MGRN1: variants seen among roughly 807,000 people sequenced by gnomAD.
MGRN1 encodes the protein E3 ubiquitin-protein ligase MGRN1.
In MGRN1, 29 loss-of-function variants were observed where a neutral mutation model predicts 69.2. The ratio of observed to expected loss-of-function variants is 0.42; its 90% confidence interval spans 0.31 to 0.57. The LOEUF (loss-of-function observed/expected upper bound fraction) is 0.57. MGRN1 is among the 20% of genes least tolerant of loss of function. The pLI is 0.15. For synonymous variants in MGRN1, 470 were observed against 344.2 expected, an observed-to-expected ratio of 1.37 and a Z score of -4.04; for missense variants, 998 against 796.2, an observed-to-expected ratio of 1.25 and a Z score of -3.05.
rs1014196420 is a variant in MGRN1 at position 4,680,456 on chromosome 16, C to T, written c.1131+359C>T. On this transcript the variant is annotated intron_variant, in intron 12 of 16. Coordinates refer to ENST00000262370, the MANE Select transcript of MGRN1 (RefSeq NM_015246.4). ...CGCGCCCCGCGCATGCTTCTTGGCC[C>T]CGTGTCCCGCTCCTTTACCCTGCGG... 2.3e-5 allele frequency: 6 copies of T among 259,498 alleles called. No individual in the cohort carries two copies. In the Admixed American group the frequency reaches 3.3e-4, roughly 14 times the overall value. 16.1% of individuals were successfully genotyped at this position (259,498 alleles called of 1,614,324 possible). A position where few individuals can be genotyped will look rare whatever the true frequency, so the allele number is the denominator to read the frequency against.
intron 1 of MGRN1, chr16:4,649,468 G>A (rs1357679888): frequency 6.6e-6 from 1 of 152,204 alleles, no homozygotes; most frequent in African/African-American, 2.4e-5. Flanking sequence ...TGGGGCCCCA[G>A]GCACTCATTG....
chr16:4,670,127 C>A (rs142633022), intron 8 of MGRN1, among the ~76,000 whole-genome samples: 2 of 152,014 alleles, frequency 1.3e-5, no homozygotes, highest in Admixed American at 6.6e-5. Flanking sequence ...TGCAGTGGCG[C>A]GATCTCAGCT....
At chr16:4,644,215 C>A (rs1488613360) in intron 1 of MGRN1, among the ~76,000 whole-genome samples, 1 of 151,654 alleles carries the variant, frequency 6.6e-6, no homozygotes, top group Non-Finnish European at 1.5e-5. Context: ...TGGTCTAGAA[C>A]TCCTTACCTC....
intron 5 of MGRN1, among the ~76,000 whole-genome samples, chr16:4,660,628 G>A (rs1387097483): frequency 2.0e-5 from 3 of 152,218 alleles, no homozygotes; most frequent in Admixed American, 2.0e-4. Flanking sequence ...ATGCGCTCCA[G>A]AAAGCTCTGC....
intron 15 of MGRN1, 57 bp from the exon 16 acceptor site, chr16:4,683,786 G>T: frequency 6.6e-7 from 1 of 1,508,824 alleles, no homozygotes; most frequent in South Asian, 1.2e-5. Flanking sequence ...TGCCCAGAGG[G>T]ACCTGCCGGG....
Position 4,651,984 on chromosome 16 carries a change from C to T in MGRN1, c.229C>T (p.Pro77Ser). Residue 77 changes from proline (P) to serine (S), a missense_variant, in exon 3 of 17, where the codon CCC becomes TCC. Coordinates refer to ENST00000262370, the MANE Select transcript of MGRN1 (RefSeq NM_015246.4). Reference protein sequence around the residue: ...PVQFPYVTPAPHEPVKTLRSL... With the variant: ...PVQFPYVTPASHEPVKTLRSL... ...CTAGTTTCCCTACGTCACTCCTGCC[C>T]CCCACGAGCCCGTGAAGACGCTGCG... 4 of 1,614,048 alleles carry T rather than the reference C, an allele frequency of 2.5e-6. No individual in the cohort carries two copies. The highest frequency in any genetic ancestry group is 3.4e-6 in the Non-Finnish European group (4 of 1,179,968).
chr16:4,641,184 A>C (rs948415072), intron 1 of MGRN1, among the ~76,000 whole-genome samples: 1 of 152,168 alleles, frequency 6.6e-6, no homozygotes, highest in Admixed American at 6.5e-5. Flanking sequence ...ATGCACGCAC[A>C]CACCACATGT....
chr16:4,667,508 G>A (rs1396423850), intron 7 of MGRN1, among the ~76,000 whole-genome samples: 2 of 152,214 alleles, frequency 1.3e-5, no homozygotes, highest in Non-Finnish European at 2.9e-5. Context: ...AGGCAGATGG[G>A]ACATCTCTGG....
chr16:4,625,490 G>T (rs1184686975), intron 1 of MGRN1, among the ~76,000 whole-genome samples: 1 of 152,232 alleles, frequency 6.6e-6, no homozygotes, highest in South Asian at 2.1e-4. Flanking sequence ...CGAGCCAGTG[G>T]TTTGGGCAAT....
At chr16:4,642,819 C>T (rs1296051963) in intron 1 of MGRN1, among the ~76,000 whole-genome samples, 1 of 149,950 alleles carries the variant, frequency 6.7e-6, no homozygotes, top group Non-Finnish European at 1.5e-5. Context: ...AAGGGTCTGG[C>T]TCTGTTGCCT....
Position 4,681,683 on chromosome 16 carries a change from G to T in MGRN1, c.1265G>T (p.Gly422Val). ...EEITYSGISD[G>V]LSQASCPLAA... ...ATCACCTATTCAGGCATCTCGGACG[G>T]CCTGTCCCAGGCCAGCTGTCCCCTC... The change falls in exon 13 of 17, where the codon GGC becomes GTC. Residue 422 changes from glycine (G) to valine (V), a missense_variant. Gly to Val is a moderately radical substitution (Grantham distance 109). Coordinates refer to ENST00000262370, the MANE Select transcript of MGRN1 (RefSeq NM_015246.4). 3 of 1,613,416 alleles carry T rather than the reference G, an allele frequency of 1.9e-6. No homozygotes were observed. The highest frequency in any genetic ancestry group is 2.5e-6 in the Non-Finnish European group (3 of 1,179,996).
chr16:4,690,968 A>C lies in MGRN1; in HGVS notation c.*2060A>C, dbSNP rs1047654577. The C allele has an allele frequency of 6.6e-6, 1 of 152,392 alleles. No individual in the cohort carries two copies. Among genetic ancestry groups the C allele is most frequent in the Non-Finnish European group, 1.5e-5 (1 of 68,014 alleles). The allele number at this position is 152,392 out of a possible 1,614,324, so 9.4% of individuals were successfully genotyped here. On this transcript the variant is annotated 3_prime_UTR_variant, in exon 17 of 17. Coordinates refer to ENST00000262370, the MANE Select transcript of MGRN1 (RefSeq NM_015246.4). The stretch of plus-strand genomic sequence containing the variant: ...TATATTTATAGTAATAAAATCATGC[A>C]GCAATATCCTGTCTGCTCCTTCCTC...
chr16:4,652,078 C>A (rs1213830604), intron 3 of MGRN1, 27 bp downstream of exon 3: 1 of 1,603,450 alleles, frequency 6.2e-7, no homozygotes, highest in African/African-American at 1.3e-5. Flanking sequence ...CCTGGGGACC[C>A]TGTGGCTCTG....
chr16:4,643,652 G>A (rs1207636953), intron 1 of MGRN1, among the ~76,000 whole-genome samples: 3 of 152,106 alleles, frequency 2.0e-5, no homozygotes, highest in East Asian at 1.9e-4. Flanking sequence ...GATTACACGC[G>A]TGAGTCACCG....
intron 1 of MGRN1, among the ~76,000 whole-genome samples, chr16:4,638,963 C>T (rs950319792): frequency 1.3e-5 from 2 of 152,200 alleles, no homozygotes; most frequent in African/African-American, 2.4e-5. Flanking sequence ...TCCTGGCTTA[C>T]TTCCCATGGC....
chr16:4,682,639 G>A (rs1382458270), intron 13 of MGRN1, among the ~76,000 whole-genome samples, 184 bp from the exon 14 acceptor site: 2 of 152,210 alleles, frequency 1.3e-5, no homozygotes, highest in Non-Finnish European at 2.9e-5. Context: ...TGTGGTGGCC[G>A]CTGTTGCCTG....
chr16:4,680,209 C>G (rs956757222), intron 12 of MGRN1, 112 bp downstream of exon 12: 2 of 1,064,754 alleles, frequency 1.9e-6, no homozygotes, highest in Non-Finnish European at 2.8e-6. Flanking sequence ...TCATATAACC[C>G]GTCAGCTCCA....
chr16:4,632,927 A>T (rs1898083644), intron 1 of MGRN1, among the ~76,000 whole-genome samples: 1 of 152,068 alleles, frequency 6.6e-6, no homozygotes, highest in Non-Finnish European at 1.5e-5. Flanking sequence ...TACAAAAAAT[A>T]AAAAAATTAT....
chr16:4,670,163 C>T (rs972603174), intron 8 of MGRN1, among the ~76,000 whole-genome samples: 1 of 150,432 alleles, frequency 6.6e-6, no homozygotes, highest in Non-Finnish European at 1.5e-5. Context: ...CTCCCAGGTT[C>T]AAGTGATTTC....
Sources: allele counts gnomAD v4.1 joint callset (sites outside exome capture counted in the v4.1 genomes callset), GRCh38; gene constraint gnomAD v4.1.1; transcripts MANE v1.5; gene names NCBI Gene and HGNC (gene_info 2026-07-23, HGNC 2026-07-21).